Variants in SLC9A9 observed in about 807,000 individuals in gnomAD.
SLC9A9 encodes the protein sodium/hydrogen exchanger 9.
In SLC9A9, 62 loss-of-function variants were observed where a neutral mutation model predicts 77.8. That is an observed-to-expected ratio of 0.80 (90% CI 0.65 to 0.98). SLC9A9 has a LOEUF of 0.98. Among genes scored for constraint, SLC9A9 ranks in the 50% least tolerant of loss-of-function variants. The pLI is 0.00. For synonymous variants in SLC9A9, 320 were observed against 283.5 expected (o/e 1.13, Z -1.29); for missense variants, 775 against 774.9 (o/e 1.00, Z 0.00).
intron 12 of SLC9A9, among the ~76,000 whole-genome samples, chr3:143,406,582 A>C (rs13081068): frequency 0.17 from 26,583 of 152,058 alleles, 2,649 homozygotes; most frequent in Middle Eastern, 0.25. Context: ...GCTGGTCTTG[A>C]ACTCCTGACC....
chr3:143,380,326 T>C (rs1215880981), intron 13 of SLC9A9, among the ~76,000 whole-genome samples: 1 of 152,252 alleles, frequency 6.6e-6, no homozygotes, highest in Admixed American at 6.5e-5. Flanking sequence ...AGGAAATTTT[T>C]ACCAATAACA....
chr3:143,548,053 A>G (rs1326911027), intron 9 of SLC9A9, among the ~76,000 whole-genome samples: 1 of 152,258 alleles, frequency 6.6e-6, no homozygotes, highest in African/African-American at 2.4e-5. Flanking sequence ...AGTAAATGAG[A>G]TAAGTACTTT....
At chr3:143,827,699 G>T (rs2009334921) in intron 2 of SLC9A9, among the ~76,000 whole-genome samples, 1 of 152,170 alleles carries the variant, frequency 6.6e-6, no homozygotes, top group Non-Finnish European at 1.5e-5. Context: ...CATAGCACAA[G>T]AATTCATTCC....
At chr3:143,745,271 T>C (rs1434106520) in intron 4 of SLC9A9, among the ~76,000 whole-genome samples, 1 of 152,204 alleles carries the variant, frequency 6.6e-6, no homozygotes, top group African/African-American at 2.4e-5. Context: ...GTTTTTATAA[T>C]AAGCTTCTCT....
At chr3:143,629,476 T>A (rs1215549993) in intron 6 of SLC9A9, among the ~76,000 whole-genome samples, 3 of 152,256 alleles carry the variant, frequency 2.0e-5, no homozygotes, top group African/African-American at 7.2e-5. Flanking sequence ...TACTAAGACT[T>A]TATTCATTAT....
chr3:143,803,222 G>A (rs1311992250), intron 2 of SLC9A9, among the ~76,000 whole-genome samples: 2 of 152,168 alleles, frequency 1.3e-5, no homozygotes, highest in African/African-American at 2.4e-5. Flanking sequence ...CCTCCTGGAA[G>A]TCACAAGTAC....
chr3:143,446,214 C>T (rs1487900336), intron 12 of SLC9A9, among the ~76,000 whole-genome samples: 2 of 151,884 alleles, frequency 1.3e-5, no homozygotes, highest in Non-Finnish European at 2.9e-5. Context: ...ATATGATTAA[C>T]AGGCAAGTAG....
intron 14 of SLC9A9, among the ~76,000 whole-genome samples, chr3:143,348,908 G>A (rs571175843): frequency 1.1e-4 from 17 of 152,348 alleles, no homozygotes; most frequent in Admixed American, 1.1e-3. Flanking sequence ...ACTGGTTCAA[G>A]CTCATGCAGC....
At chr3:143,596,315 AAC>A (rs960526499) in intron 6 of SLC9A9, among the ~76,000 whole-genome samples, 4 of 152,118 alleles carry the variant, frequency 2.6e-5, no homozygotes, top group African/African-American at 7.2e-5. Context: ...TGCGTGCACA[AAC>A]ACACACACAC....
chr3:143,275,281 C>T (rs898241191), intron 14 of SLC9A9, among the ~76,000 whole-genome samples: 2 of 152,106 alleles, frequency 1.3e-5, no homozygotes, highest in African/African-American at 4.8e-5. Context: ...CACATGCTTC[C>T]CCCTGCCCCC....
Position 143,668,301 on chromosome 3 carries a change from G to C in SLC9A9, c.650-15941C>G, listed in dbSNP as rs549110077. Among the ~76,000 whole-genome samples the C allele has an allele frequency of 3.6e-5, 5 of 138,474 alleles. No individual in the cohort carries two copies. In the East Asian group the frequency reaches 1.1e-3, roughly 31 times the overall value. The allele number at this position is 138,474 out of a possible 152,430, so 90.8% of individuals were successfully genotyped here. ...AACAATGAGAACACTTGGACACAGG[G>C]TGGGGAACATCACACCCTGGGGCCT... On this transcript the variant is annotated intron_variant, in intron 5 of 15. Coordinates refer to ENST00000316549, the MANE Select transcript of SLC9A9 (RefSeq NM_173653.4).
intron 5 of SLC9A9, among the ~76,000 whole-genome samples, chr3:143,663,009 G>C (rs1425599157): frequency 6.6e-6 from 1 of 152,198 alleles, no homozygotes; most frequent in Non-Finnish European, 1.5e-5. Flanking sequence ...TGACCCCCAA[G>C]TAGCCTAACT....
intron 6 of SLC9A9, among the ~76,000 whole-genome samples, chr3:143,610,169 G>A (rs1387221081): frequency 6.6e-6 from 1 of 151,584 alleles, no homozygotes; most frequent in Non-Finnish European, 1.5e-5. Flanking sequence ...ATTTATTTGA[G>A]AAAAGGTCTC....
chr3:143,536,534 A>G (rs556505444), intron 9 of SLC9A9, among the ~76,000 whole-genome samples: 62 of 152,364 alleles, frequency 4.1e-4, no homozygotes, highest in Admixed American at 2.2e-3. Flanking sequence ...TGCTGCGATT[A>G]CTACAATGAA....
At chr3:143,587,273 A>G (rs763353748) in intron 6 of SLC9A9, among the ~76,000 whole-genome samples, 4 of 152,240 alleles carry the variant, frequency 2.6e-5, no homozygotes, top group Admixed American at 6.5e-5. Flanking sequence ...TCCTGACCTC[A>G]TGTTCCTTAC....
chr3:143,409,064 T>C (rs1223133766), intron 12 of SLC9A9, among the ~76,000 whole-genome samples: 2 of 152,254 alleles, frequency 1.3e-5, no homozygotes, highest in African/African-American at 4.8e-5. Context: ...ATTATGTCAG[T>C]GGTTCTCAGA....
chr3:143,502,362 G>C (rs762391342), intron 9 of SLC9A9, among the ~76,000 whole-genome samples: 27 of 142,962 alleles, frequency 1.9e-4, no homozygotes, highest in Non-Finnish European at 3.5e-4. Flanking sequence ...GAACGCTCAT[G>C]GTAACCATTC....
At position 143,848,169 on chromosome 3, in the gene SLC9A9, T is replaced by A. The variant is rs1219717464; in HGVS notation, c.154A>T (p.Thr52Ser). 1.2e-6 allele frequency: 2 copies of A among 1,613,966 alleles called. No individual in the cohort carries two copies. The highest frequency in any genetic ancestry group is 2.2e-5 in the South Asian group (2 of 91,080). The change falls in exon 1 of 16, where the codon ACT (threonine) becomes TCT (serine). Residue 52 changes from threonine to serine, a missense_variant. By Grantham distance (58) the Thr-to-Ser change is moderately conservative (BLOSUM62 1). Coordinates refer to ENST00000316549, the MANE Select transcript of SLC9A9 (RefSeq NM_173653.4). ...KNHRFRFLHE[T>S]GGAMVYGLIM... ...TCACCATACACCATTGCTCCTCCAG[T>A]TTCATGCAAGAAGCGGAATCGATGA...
At chr3:143,572,758 G>A (rs925654398) in intron 8 of SLC9A9, among the ~76,000 whole-genome samples, 5 of 152,182 alleles carry the variant, frequency 3.3e-5, no homozygotes, top group Non-Finnish European at 5.9e-5. Flanking sequence ...TGAAGCCAAC[G>A]GGAATAGCTT....
Sources: allele counts gnomAD v4.1 joint callset (sites outside exome capture counted in the v4.1 genomes callset), GRCh38; gene constraint gnomAD v4.1.1; transcripts MANE v1.5; gene names NCBI Gene and HGNC (gene_info 2026-07-23, HGNC 2026-07-21).